Variants in TRMT11 observed in about 807,000 individuals in gnomAD.
The protein encoded by TRMT11 is tRNA (guanine(10)-N(2))-methyltransferase TRMT11.
A neutral mutation model predicts 62.8 loss-of-function variants in TRMT11; 53 were observed. That is an observed-to-expected ratio of 0.84 (90% CI 0.68 to 1.06). The LOEUF (loss-of-function observed/expected upper bound fraction) is 1.06. TRMT11 is among the 50% of genes least tolerant of loss of function. The pLI is 0.00. For missense variants in TRMT11, 556 were observed against 553.4 expected, an observed-to-expected ratio of 1.00 and a Z score of -0.05; for synonymous variants, 188 against 190.3, an observed-to-expected ratio of 0.99 and a Z score of 0.10.
chr6:126,237,610 G>C, the TRMT11 span, among the ~76,000 whole-genome samples: 1 of 152,128 alleles, frequency 6.6e-6, no homozygotes, highest in Non-Finnish European at 1.5e-5. Context: ...GAGCCTGGCA[G>C]GTTGAGGCTG....
At chr6:126,043,743 A>T (rs1281157551), downstream of TRMT11, among the ~76,000 whole-genome samples, 1 of 150,316 alleles carries the variant, frequency 6.7e-6, no homozygotes, top group Non-Finnish European at 1.5e-5. Context: ...AATGATTGCC[A>T]TTCTAACTGG....
intron 12 of TRMT11, among the ~76,000 whole-genome samples, chr6:126,027,129 T>C (rs1420624625): frequency 6.6e-6 from 1 of 152,190 alleles, no homozygotes; most frequent in East Asian, 1.9e-4. Flanking sequence ...GATCTTGCTG[T>C]CCCACTTAAC....
At chr6:126,219,527 C>G in the TRMT11 span, among the ~76,000 whole-genome samples, 4 of 152,212 alleles carry the variant, frequency 2.6e-5, no homozygotes, top group African/African-American at 4.8e-5. Flanking sequence ...ACTCTTTCTT[C>G]TAACTTTCCC....
At chr6:125,987,300 AGAG>A (rs1789809372) in intron 1 of TRMT11, 1 of 152,270 alleles carries the variant, frequency 6.6e-6, no homozygotes, top group Non-Finnish European at 1.5e-5. Context: ...GAGGGCTTCC[AGAG>A]GAGATGACAC....
At chr6:126,008,634 C>T (rs1409985710) in intron 8 of TRMT11, 162 bp downstream of exon 8, 3 of 723,236 alleles carry the variant, frequency 4.1e-6, no homozygotes, top group Non-Finnish European at 7.5e-6. Flanking sequence ...AGGCCAATCC[C>T]TCCACTTCCT....
At chr6:126,191,102 T>C (rs1206706216) in intron 1 of TRMT11, among the ~76,000 whole-genome samples, 1 of 152,154 alleles carries the variant, frequency 6.6e-6, no homozygotes. Context: ...CAGCATTTGT[T>C]ATTTTTTTTG....
chr6:126,004,702 A>T (rs901847590), intron 7 of TRMT11, among the ~76,000 whole-genome samples: 1 of 151,968 alleles, frequency 6.6e-6, no homozygotes, highest in East Asian at 1.9e-4. Flanking sequence ...CATGTGTCTA[A>T]TCCCCTTTTT....
At chr6:126,265,193 T>A in the TRMT11 span, among the ~76,000 whole-genome samples, 3 of 152,162 alleles carry the variant, frequency 2.0e-5, no homozygotes, top group Non-Finnish European at 2.9e-5. Context: ...AATTTCAGGT[T>A]TTGCTATGAA....
chr6:126,048,449 A>T (rs139877233), intron 16 of TRMT11, among the ~76,000 whole-genome samples: 41 of 152,336 alleles, frequency 2.7e-4, no homozygotes, highest in Middle Eastern at 3.4e-3. Context: ...CAGATTGAAG[A>T]CATCCTTCCT....
chr6:126,169,017 C>T (rs927298576), intron 21 of TRMT11, among the ~76,000 whole-genome samples: 18 of 152,304 alleles, frequency 1.2e-4, no homozygotes, highest in South Asian at 6.2e-4. Flanking sequence ...ACCAAACAAA[C>T]GAACAAACTA....
intron 17 of TRMT11, among the ~76,000 whole-genome samples, chr6:126,105,037 T>G (rs542672839): frequency 8.9e-4 from 136 of 152,370 alleles, no homozygotes; most frequent in Non-Finnish European, 1.6e-3. Flanking sequence ...GTGGCACCAC[T>G]GACCCTCATT....
the TRMT11 span, among the ~76,000 whole-genome samples, chr6:126,253,141 T>C: frequency 6.6e-6 from 1 of 151,784 alleles, no homozygotes; most frequent in Non-Finnish European, 1.5e-5. Context: ...TGTATACATA[T>C]GTACATTATT....
chr6:126,206,114 A>G (rs1238992575), downstream of TRMT11, among the ~76,000 whole-genome samples: 1 of 152,200 alleles, frequency 6.6e-6, no homozygotes, highest in Admixed American at 6.5e-5. Context: ...CTGCTTTTCA[A>G]AATCTGCAGT....
the TRMT11 span, among the ~76,000 whole-genome samples, chr6:126,215,847 C>T: frequency 6.6e-5 from 10 of 152,010 alleles, no homozygotes; most frequent in African/African-American, 1.9e-4. Context: ...ACAAACAAAC[C>T]GACAAGCAAA....
chr6:126,064,285 T>C (rs927831119), intron 17 of TRMT11, among the ~76,000 whole-genome samples: 1 of 152,034 alleles, frequency 6.6e-6, no homozygotes, highest in Non-Finnish European at 1.5e-5. Flanking sequence ...TCTCTGAAAA[T>C]CTGCCTGTGA....
chr6:126,026,405 G>T (rs1461378014), intron 12 of TRMT11, among the ~76,000 whole-genome samples: 5 of 148,432 alleles, frequency 3.4e-5, no homozygotes, highest in African/African-American at 7.5e-5. Flanking sequence ...TTTTTTTTTT[G>T]AGATAGAGTC....
At chr6:126,185,069 A>G (rs904443262) in intron 1 of TRMT11, among the ~76,000 whole-genome samples, 6 of 152,176 alleles carry the variant, frequency 3.9e-5, no homozygotes, top group African/African-American at 1.4e-4. Flanking sequence ...TTCTAATTCA[A>G]AGAGTAATTC....
At chr6:126,061,487 T>A (rs1257029818) in intron 17 of TRMT11, among the ~76,000 whole-genome samples, 1 of 152,188 alleles carries the variant, frequency 6.6e-6, no homozygotes, top group African/African-American at 2.4e-5. Flanking sequence ...ATTCACAGGC[T>A]TCCTTACTTT....
At chr6:126,238,059 C>T in the TRMT11 span, among the ~76,000 whole-genome samples, 2 of 151,984 alleles carry the variant, frequency 1.3e-5, no homozygotes, top group Non-Finnish European at 2.9e-5. Context: ...GTGGTGATAT[C>T]CCCTTTATCA....
Sources: gnomAD v4.1 joint callset for allele counts (sites outside exome capture counted in the v4.1 genomes callset) on GRCh38, gnomAD v4.1.1 for gene constraint, MANE v1.5 for transcripts, NCBI Gene and HGNC (gene_info 2026-07-23, HGNC 2026-07-21) for gene names.